Variants in FKBP1B observed in about 807,000 individuals in gnomAD.
FKBP1B encodes peptidyl-prolyl cis-trans isomerase FKBP1B.
In FKBP1B, 4 loss-of-function variants were observed where a neutral mutation model predicts 13.5. That is an observed-to-expected ratio of 0.30 (90% CI 0.15 to 0.68). FKBP1B has a LOEUF of 0.68. Ranked by LOEUF, FKBP1B falls within the 30% of genes least tolerant of loss-of-function variation. The pLI, the probability that FKBP1B is intolerant of heterozygous loss-of-function variation, is 0.76. For missense variants in FKBP1B, 93 were observed against 136.2 expected (o/e 0.68, Z 1.58); for synonymous variants, 54 against 53.6 (o/e 1.01, Z -0.03).
At chr2:24,046,328 T>C (rs1663624383), upstream of FKBP1B, among the ~76,000 whole-genome samples, 1 of 152,212 alleles carries the variant, frequency 6.6e-6, no homozygotes, top group African/African-American at 2.4e-5. Context: ...GACCAAGGTT[T>C]AAATGCTCTT....
At chr2:24,060,697 G>A in intron 2 of FKBP1B, 117 bp from the exon 3 acceptor site, 1 of 701,364 alleles carries the variant, frequency 1.4e-6, no homozygotes. Flanking sequence ...TGGATGGGGA[G>A]GATCGGAAGA....
chr2:24,054,307 T>C, intron 2 of FKBP1B: 1 of 421,960 alleles, frequency 2.4e-6, no homozygotes, highest in Non-Finnish European at 4.6e-6. Context: ...GCAGACTTTC[T>C]CTCCATCCTG....
chr2:24,042,073 T>C, the FKBP1B span, among the ~76,000 whole-genome samples: 1 of 151,942 alleles, frequency 6.6e-6, no homozygotes, highest in African/African-American at 2.4e-5. Flanking sequence ...AAGAATAAAA[T>C]GTTGCAATAA....
At chr2:24,058,614 G>C (rs11902184) in intron 2 of FKBP1B, among the ~76,000 whole-genome samples, 1 of 152,102 alleles carries the variant, frequency 6.6e-6, no homozygotes, top group Non-Finnish European at 1.5e-5. Flanking sequence ...GTGTGTGAAT[G>C]TGTGCATGTG....
At chr2:24,053,015 C>T (rs558679941) in intron 1 of FKBP1B, among the ~76,000 whole-genome samples, 1 of 152,042 alleles carries the variant, frequency 6.6e-6, no homozygotes, top group African/African-American at 2.4e-5. Context: ...GGATAGAGAT[C>T]TTGTTTGTAG....
intron 1 of FKBP1B, among the ~76,000 whole-genome samples, chr2:24,053,081 A>G (rs1196681396): frequency 6.6e-6 from 1 of 151,810 alleles, no homozygotes; most frequent in African/African-American, 2.4e-5. Flanking sequence ...ATAGGTACTC[A>G]GTAAATATTT....
Position 24,053,887 on chromosome 2 carries a change from C to T in FKBP1B, c.38-15C>T, listed in dbSNP as rs372532709. ...AATATCCTACTCCTTCATCTGCCCT[C>T]ATGTCTCCCTGCAGGAAGGACATTC... On this transcript the variant is annotated splice_polypyrimidine_tract_variant and intron_variant, in intron 1 of 3. Transcript: ENST00000380986. The T allele has an allele frequency of 1.1e-5, 18 of 1,613,756 alleles. No homozygotes were observed. Among genetic ancestry groups the T allele is most frequent in the African/African-American group, 1.3e-5 (1 of 74,930 alleles).
intron 3 of FKBP1B, among the ~76,000 whole-genome samples, chr2:24,061,171 A>G (rs1050635380): frequency 1.3e-5 from 2 of 152,162 alleles, no homozygotes; most frequent in Non-Finnish European, 2.9e-5. Flanking sequence ...CTTGCTCAGA[A>G]CTAGCTGAGA....
At chr2:24,035,629 CTA>C in the FKBP1B span, among the ~76,000 whole-genome samples, 1 of 152,000 alleles carries the variant, frequency 6.6e-6, no homozygotes, top group Non-Finnish European at 1.5e-5. Flanking sequence ...AAAATCAAAA[CTA>C]TGGCTGGGTG....
chr2:24,051,358 A>G (rs1162978042), intron 1 of FKBP1B, among the ~76,000 whole-genome samples: 1 of 150,074 alleles, frequency 6.7e-6, no homozygotes, highest in Non-Finnish European at 1.5e-5. Context: ...AAAAAAATGC[A>G]TGTTTGACTA....
chr2:24,055,194 C>CTTTTTTTT (rs71395180), intron 2 of FKBP1B, among the ~76,000 whole-genome samples: 1 of 131,194 alleles, frequency 7.6e-6, no homozygotes, highest in African/African-American at 2.9e-5. Flanking sequence ...CATTGTTTTT[C>CTTTTTTTT]TTTTTTTTTT....
At position 24,063,477 on chromosome 2, in the gene FKBP1B, G is replaced by A; in HGVS notation, c.*285G>A. On this transcript the variant is annotated 3_prime_UTR_variant, in exon 4 of 4. Coordinates refer to ENST00000380986, the MANE Select transcript of FKBP1B (RefSeq NM_004116.5). ...CCTGATGACAGAACACAGATCTCTT[G>A]TTCGCACAATCTACACTGCCTTACC... 5.9e-6 allele frequency: 2 copies of A among 339,038 alleles called. No homozygotes were observed. The highest frequency in any genetic ancestry group is 1.1e-5 in the Non-Finnish European group (2 of 187,908). 21.0% of individuals were successfully genotyped at this position (339,038 alleles called of 1,614,324 possible). A position where few individuals can be genotyped will look rare whatever the true frequency, so the allele number is the denominator to read the frequency against.
At chr2:24,049,993 G>T (rs924195851) in intron 1 of FKBP1B, 107 bp downstream of exon 1, 1 of 869,082 alleles carries the variant, frequency 1.2e-6, no homozygotes, top group East Asian at 3.3e-5. Context: ...AGGGTCGGGG[G>T]GCTGGATGGG....
At chr2:24,035,887 G>C in the FKBP1B span, among the ~76,000 whole-genome samples, 9 of 151,280 alleles carry the variant, frequency 5.9e-5, no homozygotes, top group Admixed American at 1.3e-4. Context: ...TGGCCAACAC[G>C]GTGAAACCCC....
chr2:24,044,686 C>T, the FKBP1B span, among the ~76,000 whole-genome samples: 1 of 152,122 alleles, frequency 6.6e-6, no homozygotes, highest in African/African-American at 2.4e-5. Context: ...CCATTCCTTT[C>T]TACTCCTGTG....
chr2:24,038,247 A>G, the FKBP1B span: 1 of 1,614,124 alleles, frequency 6.2e-7, no homozygotes, highest in South Asian at 1.1e-5. Context: ...CAGACTTTGA[A>G]GAAGGAAGAA....
At chr2:24,051,279 A>G (rs1047704707) in intron 1 of FKBP1B, among the ~76,000 whole-genome samples, 1 of 151,760 alleles carries the variant, frequency 6.6e-6, no homozygotes, top group African/African-American at 2.4e-5. Flanking sequence ...GGTTGCAGTG[A>G]GCTGAGATTG....
At chr2:24,048,698 C>A (rs1372090031), upstream of FKBP1B, among the ~76,000 whole-genome samples, 1 of 152,022 alleles carries the variant, frequency 6.6e-6, no homozygotes, top group Non-Finnish European at 1.5e-5. Flanking sequence ...GTCCCAATTA[C>A]CCTTTAAACA....
intron 2 of FKBP1B, among the ~76,000 whole-genome samples, chr2:24,059,783 T>C (rs1664298637): frequency 6.7e-6 from 1 of 148,686 alleles, no homozygotes; most frequent in Non-Finnish European, 1.5e-5. Context: ...TAGTCCCAGC[T>C]ACTCAGGAAG....
Sources: gnomAD v4.1 joint callset for allele counts (sites outside exome capture counted in the v4.1 genomes callset) on GRCh38, gnomAD v4.1.1 for gene constraint, MANE v1.5 for transcripts, NCBI Gene and HGNC (gene_info 2026-07-23, HGNC 2026-07-21) for gene names.